CACNA2D2: variants seen among roughly 807,000 people sequenced by gnomAD.
The protein encoded by CACNA2D2 is voltage-dependent calcium channel subunit alpha-2/delta-2.
CACNA2D2 carries 48 observed loss-of-function variants against 166.4 expected under a neutral mutation model. The observed-to-expected ratio is 0.29, with a 90% confidence interval of 0.23 to 0.37. CACNA2D2 has a LOEUF of 0.37. Among genes scored for constraint, CACNA2D2 ranks in the 10% least tolerant of loss-of-function variants. CACNA2D2 has a pLI of 1.00. For synonymous variants in CACNA2D2, 561 were observed against 573.7 expected (o/e 0.98, Z 0.32); for missense variants, 1,122 against 1,433.0 (o/e 0.78, Z 3.50).
chr3:50,465,487 G>A (rs1037555426), intron 2 of CACNA2D2, among the ~76,000 whole-genome samples: 1 of 152,180 alleles, frequency 6.6e-6, no homozygotes, highest in African/African-American at 2.4e-5. Flanking sequence ...AGGTCTGCCT[G>A]CCAGGAGTCA....
intron 1 of CACNA2D2, among the ~76,000 whole-genome samples, chr3:50,498,707 A>T (rs1309235814): frequency 1.3e-5 from 2 of 152,214 alleles, no homozygotes; most frequent in Non-Finnish European, 2.9e-5. Flanking sequence ...AGAGGAGGAA[A>T]GAGAGACAGA....
intron 3 of CACNA2D2, among the ~76,000 whole-genome samples, chr3:50,422,065 T>C (rs1379615088): frequency 6.6e-6 from 1 of 152,134 alleles, no homozygotes; most frequent in Non-Finnish European, 1.5e-5. Flanking sequence ...GCACTGCTTC[T>C]ACCCTCCATC....
intron 2 of CACNA2D2, among the ~76,000 whole-genome samples, chr3:50,458,823 C>T (rs1292582701): frequency 6.6e-6 from 1 of 152,216 alleles, no homozygotes; most frequent in Non-Finnish European, 1.5e-5. Context: ...TGCTGGGGAA[C>T]CCCAAAGGCT....
intron 4 of CACNA2D2, among the ~76,000 whole-genome samples, chr3:50,389,968 G>T (rs1705805528): frequency 6.8e-6 from 1 of 146,142 alleles, no homozygotes; most frequent in South Asian, 2.4e-4. Context: ...TGCTATGCAT[G>T]ATGTGGTGTG....
intron 3 of CACNA2D2, among the ~76,000 whole-genome samples, chr3:50,432,558 C>T (rs1559942069): frequency 6.6e-6 from 1 of 152,308 alleles, no homozygotes; most frequent in East Asian, 1.9e-4. Context: ...CATCCAGGCA[C>T]GCCCAGTTCA....
At chr3:50,415,754 C>CT (rs1239755831) in intron 3 of CACNA2D2, 5 of 152,252 alleles carry the variant, frequency 3.3e-5, no homozygotes, top group African/African-American at 1.2e-4. Flanking sequence ...CACTTGGTAA[C>CT]TATTTGGTGA....
chr3:50,470,898 G>A lies in CACNA2D2; in HGVS notation c.288+5220C>T, dbSNP rs570195012. Among the ~76,000 whole-genome samples the A allele has an allele frequency of 1.7e-3, 266 of 152,178 alleles. 2 individuals are homozygous for A. Among genetic ancestry groups the A allele is most frequent in the African/African-American group, 6.0e-3 (248 of 41,500 alleles). ...CCACGTCTCAGACGCCCTCCCGGGA[G>A]CCCCCCCTTTAGCCCCACGCATCCC... On this transcript the variant is annotated intron_variant, in intron 2 of 37. Transcript: ENST00000424201.
chr3:50,437,320 C>T (rs1046406419), intron 2 of CACNA2D2, among the ~76,000 whole-genome samples: 9 of 152,188 alleles, frequency 5.9e-5, no homozygotes, highest in African/African-American at 1.9e-4. Context: ...CTTTGACTCA[C>T]GCTGTCCCTG....
At chr3:50,441,979 C>A (rs1708619056) in intron 2 of CACNA2D2, among the ~76,000 whole-genome samples, 1 of 152,214 alleles carries the variant, frequency 6.6e-6, no homozygotes, top group Admixed American at 6.5e-5. Flanking sequence ...TCCAGCCCAG[C>A]TGTCAGGAAT....
intron 2 of CACNA2D2, among the ~76,000 whole-genome samples, chr3:50,444,846 C>A (rs1318752699): frequency 6.6e-6 from 1 of 152,156 alleles, no homozygotes; most frequent in Non-Finnish European, 1.5e-5. Context: ...TCTTTTGGGG[C>A]AAGGTGATCC....
At chr3:50,393,154 T>C (rs528481139) in intron 4 of CACNA2D2, among the ~76,000 whole-genome samples, 158 of 152,320 alleles carry the variant, frequency 1.0e-3, no homozygotes, top group South Asian at 8.3e-3. Context: ...CTATCCACTC[T>C]GTGCTTCTGT....
At chr3:50,454,716 A>C (rs1465532195) in intron 2 of CACNA2D2, among the ~76,000 whole-genome samples, 1 of 151,908 alleles carries the variant, frequency 6.6e-6, no homozygotes, top group Non-Finnish European at 1.5e-5. Context: ...TTTTTTTTTG[A>C]TTGGAAAAGA....
chr3:50,380,102 A>G lies in CACNA2D2; in HGVS notation c.843-84T>C. 1 of 1,399,540 alleles carries G rather than the reference A, an allele frequency of 7.1e-7. No individual in the cohort carries two copies. Among genetic ancestry groups the G allele is most frequent in the Non-Finnish European group, 1.0e-6 (1 of 989,014 alleles). The allele number at this position is 1,399,540 out of a possible 1,614,324, so 86.7% of individuals were successfully genotyped here. Reference sequence around the variant, plus strand: ...TCCTTCACATACATATTGATTCAATACATTTCTCTTGAGCATGCACTGTGT... The same window carrying G: ...TCCTTCACATACATATTGATTCAATGCATTTCTCTTGAGCATGCACTGTGT... On this transcript the variant is annotated intron_variant, in intron 8 of 37. Coordinates refer to ENST00000424201, the MANE Select transcript of CACNA2D2 (RefSeq NM_006030.4). This position sits in a 1 kb window ranked among gnomAD's most constrained non-coding sequence, Gnocchi z 4.9.
In CACNA2D2 at chr3:50,398,948, T is replaced by C. The variant is rs186845138; in HGVS notation, c.406-4780A>G. ...CTGGGAGCAGCCCTGCACAGATACC[T>C]GCAAATCTCACTATGTTAAACAGCT... On this transcript the variant is annotated intron_variant, in intron 3 of 37. Coordinates refer to ENST00000424201, the MANE Select transcript of CACNA2D2 (RefSeq NM_006030.4). 1.1e-4 allele frequency among the ~76,000 whole-genome samples: 16 copies of C among 152,326 alleles called. No homozygotes were observed. The East Asian group carries it at 3.1e-3, about 29-fold the overall frequency.
At chr3:50,377,937 G>T in intron 15 of CACNA2D2, 71 bp downstream of exon 15, 1 of 1,539,982 alleles carries the variant, frequency 6.5e-7, no homozygotes, top group South Asian at 1.1e-5. Context: ...GCCCTCCAGG[G>T]TCTTGACCCT....
At chr3:50,447,697 T>C (rs748580053) in intron 2 of CACNA2D2, among the ~76,000 whole-genome samples, 11 of 152,090 alleles carry the variant, frequency 7.2e-5, no homozygotes, top group Non-Finnish European at 1.6e-4. Context: ...TCCAGTGTCT[T>C]TGAGCATACA....
At chr3:50,454,834 T>C (rs564213371) in intron 2 of CACNA2D2, among the ~76,000 whole-genome samples, 3 of 152,206 alleles carry the variant, frequency 2.0e-5, no homozygotes, top group East Asian at 1.9e-4. Flanking sequence ...CCACAGCCTA[T>C]GGAGAGGCAG....
intron 22 of CACNA2D2, 106 bp downstream of exon 22, chr3:50,374,631 G>A (rs1386464948): frequency 3.9e-6 from 5 of 1,298,422 alleles, no homozygotes; most frequent in East Asian, 2.5e-5. Context: ...GACTGGGCAG[G>A]AGGGACTGCC....
Position 50,363,384 on chromosome 3 carries a change from T to G in CACNA2D2, c.*1282A>C. ...CATCACTATATCCCCTTGCCCTCAGTTCCCCACTGGCCCCCAGGCTGGGAT... is the reference window on the plus strand; with the variant it reads ...CATCACTATATCCCCTTGCCCTCAGGTCCCCACTGGCCCCCAGGCTGGGAT... On this transcript the variant is annotated 3_prime_UTR_variant, in exon 38 of 38. Coordinates refer to ENST00000424201, the MANE Select transcript of CACNA2D2 (RefSeq NM_006030.4). 1 of 396,394 alleles carries G rather than the reference T, an allele frequency of 2.5e-6. No individual in the cohort carries two copies. Among genetic ancestry groups the G allele is most frequent in the Non-Finnish European group, 4.4e-6 (1 of 225,016 alleles). 24.6% of individuals were successfully genotyped at this position (396,394 alleles called of 1,614,324 possible). A position where few individuals can be genotyped will look rare whatever the true frequency, so the allele number is the denominator to read the frequency against.
Sources: allele counts gnomAD v4.1 joint callset (sites outside exome capture counted in the v4.1 genomes callset), GRCh38; gene constraint gnomAD v4.1.1; non-coding constraint Gnocchi (gnomAD v3.1); transcripts MANE v1.5; gene names NCBI Gene and HGNC (gene_info 2026-07-23, HGNC 2026-07-21).